SLC14A2: variants seen among roughly 807,000 people sequenced by gnomAD.
SLC14A2 encodes the protein solute carrier family 14 member 2.
Under a neutral mutation model 104.6 loss-of-function variants are expected in SLC14A2, and 91 were observed. The observed-to-expected ratio is 0.87, with a 90% confidence interval of 0.73 to 1.04. The LOEUF (loss-of-function observed/expected upper bound fraction) is 1.04. Ranked by LOEUF, SLC14A2 falls within the 50% of genes least tolerant of loss-of-function variation. The pLI is 0.00. For missense variants in SLC14A2, 1,189 were observed against 1,156.0 expected, an observed-to-expected ratio of 1.03 and a Z score of -0.41; for synonymous variants, 476 against 466.4, an observed-to-expected ratio of 1.02 and a Z score of -0.27.
intron 10 of SLC14A2, among the ~76,000 whole-genome samples, chr18:45,658,189 G>A (rs1412585726): frequency 6.6e-6 from 1 of 152,264 alleles, no homozygotes; most frequent in Admixed American, 6.5e-5. Flanking sequence ...ATGGCAAATA[G>A]GTCTTGATGG....
chr18:45,545,612 C>T (rs1316740059), intron 2 of SLC14A2, among the ~76,000 whole-genome samples: 1 of 152,174 alleles, frequency 6.6e-6, no homozygotes, highest in African/African-American at 2.4e-5. Context: ...TATTGTCAGA[C>T]ACCATGCAGA....
chr18:45,408,992 A>G (rs2086185704), intron 1 of SLC14A2, among the ~76,000 whole-genome samples: 1 of 152,172 alleles, frequency 6.6e-6, no homozygotes, highest in Non-Finnish European at 1.5e-5. Context: ...ACAAAATGCA[A>G]TCTGGGATTG....
intron 2 of SLC14A2, among the ~76,000 whole-genome samples, chr18:45,502,558 A>G (rs936733886): frequency 6.6e-6 from 1 of 152,230 alleles, no homozygotes; most frequent in Non-Finnish European, 1.5e-5. Flanking sequence ...CATGGGCAAC[A>G]ATATTGCACC....
intron 1 of SLC14A2, among the ~76,000 whole-genome samples, chr18:45,273,746 A>G (rs1462727212): frequency 3.9e-5 from 6 of 152,150 alleles, no homozygotes; most frequent in Non-Finnish European, 5.9e-5. Context: ...GCTGAATCCA[A>G]TGTGTTAGCA....
intron 2 of SLC14A2, among the ~76,000 whole-genome samples, chr18:45,592,568 G>C (rs2044663620): frequency 1.3e-5 from 2 of 152,218 alleles, no homozygotes; most frequent in African/African-American, 4.8e-5. Flanking sequence ...CAGTGGTCTA[G>C]TCCCCAGAGC....
chr18:45,332,078 C>T (rs1342004305), intron 1 of SLC14A2, among the ~76,000 whole-genome samples: 2 of 152,202 alleles, frequency 1.3e-5, no homozygotes, highest in Non-Finnish European at 2.9e-5. Context: ...ACTCTTATCT[C>T]TCTTCTAAAA....
At chr18:45,563,984 G>A (rs2044236349) in intron 2 of SLC14A2, among the ~76,000 whole-genome samples, 2 of 152,140 alleles carry the variant, frequency 1.3e-5, no homozygotes, top group South Asian at 4.1e-4. Flanking sequence ...TTGAATTTAT[G>A]AAACTTACTA....
chr18:45,344,592 G>C (rs139387922), intron 1 of SLC14A2, among the ~76,000 whole-genome samples: 6 of 152,270 alleles, frequency 3.9e-5, no homozygotes, highest in Admixed American at 3.3e-4. Context: ...TGGATGCAAG[G>C]GGGAAGAAGC....
intron 1 of SLC14A2, among the ~76,000 whole-genome samples, chr18:45,338,049 C>T (rs11082444): frequency 0.12 from 18,082 of 152,168 alleles, 1,213 homozygotes; most frequent in Non-Finnish European, 0.15. Context: ...TTATATCTTA[C>T]CTCAAGCATT....
rs1399179773 is a variant in SLC14A2 at position 45,683,118 on chromosome 18, C to T, written c.*599C>T. The stretch of plus-strand genomic sequence containing the variant: ...CAAAAAAAAAAAAAAGGGGAAGTCA[C>T]CAAGAAAGGGATAGAGGTCAGTGAC... On this transcript the variant is annotated 3_prime_UTR_variant, in exon 20 of 20. Transcript: ENST00000255226. 6.5e-6 allele frequency: 1 copy of T among 154,856 alleles called. No homozygotes were observed. The highest frequency in any genetic ancestry group is 2.4e-5 in the African/African-American group (1 of 41,138). 9.6% of individuals were successfully genotyped at this position (154,856 alleles called of 1,614,324 possible). A position where few individuals can be genotyped will look rare whatever the true frequency, so the allele number is the denominator to read the frequency against.
chr18:45,284,496 C>A (rs1041695740), intron 1 of SLC14A2, among the ~76,000 whole-genome samples: 2 of 152,258 alleles, frequency 1.3e-5, no homozygotes, highest in South Asian at 2.1e-4. Context: ...GCCCTGGGCT[C>A]CAACTCCCAC....
intron 19 of SLC14A2, among the ~76,000 whole-genome samples, chr18:45,681,061 T>G (rs1201725936): frequency 3.3e-4 from 1 of 2,998 alleles, no homozygotes; most frequent in African/African-American, 3.5e-4. Flanking sequence ...TTTTTTTTTT[T>G]TTTTTTTTTT....
the SLC14A2 span, among the ~76,000 whole-genome samples, chr18:45,206,647 G>C: frequency 2.0e-5 from 3 of 152,074 alleles, no homozygotes; most frequent in East Asian, 5.8e-4. Flanking sequence ...TACTTTCCCT[G>C]TGTATGTTCT....
chr18:45,404,178 G>A (rs2086128105), intron 1 of SLC14A2, among the ~76,000 whole-genome samples: 1 of 152,104 alleles, frequency 6.6e-6, no homozygotes, highest in Non-Finnish European at 1.5e-5. Flanking sequence ...TGTTATATGT[G>A]TCCATAAACT....
At chr18:45,251,398 A>G (rs368457581) in intron 1 of SLC14A2, among the ~76,000 whole-genome samples, 2 of 152,196 alleles carry the variant, frequency 1.3e-5, no homozygotes, top group African/African-American at 2.4e-5. Flanking sequence ...ACTTTCCACT[A>G]TATTCGAGAG....
At chr18:45,626,657 G>A (rs1045302551) in intron 3 of SLC14A2, among the ~76,000 whole-genome samples, 12 of 137,662 alleles carry the variant, frequency 8.7e-5, no homozygotes, top group Non-Finnish European at 1.4e-4. Context: ...GAATGCTCCC[G>A]GGGCTTCTTT....
chr18:45,251,232 G>T (rs148672040), intron 1 of SLC14A2, among the ~76,000 whole-genome samples: 2 of 152,034 alleles, frequency 1.3e-5, no homozygotes, highest in Non-Finnish European at 2.9e-5. Context: ...TTATGCCTTT[G>T]CATCCTCATA....
At chr18:45,679,449 C>A (rs185071603) in intron 19 of SLC14A2, among the ~76,000 whole-genome samples, 1 of 152,206 alleles carries the variant, frequency 6.6e-6, no homozygotes, top group Admixed American at 6.5e-5. Context: ...CCCAACCAGG[C>A]GAGACAGAAG....
chr18:45,303,974 T>G (rs76420573), intron 1 of SLC14A2, among the ~76,000 whole-genome samples: 1 of 152,158 alleles, frequency 6.6e-6, no homozygotes, highest in Non-Finnish European at 1.5e-5. Context: ...ACAACTGAAG[T>G]GTTTTTCTAA....
Sources: allele counts gnomAD v4.1 joint callset (sites outside exome capture counted in the v4.1 genomes callset), GRCh38; gene constraint gnomAD v4.1.1; transcripts MANE v1.5; gene names NCBI Gene and HGNC (gene_info 2026-07-23, HGNC 2026-07-21).